Variants in RARB observed in about 807,000 individuals in gnomAD.
RARB encodes HBV-activated protein.
In RARB, 17 loss-of-function variants were observed where a neutral mutation model predicts 51.9. The observed-to-expected ratio is 0.33, with a 90% confidence interval of 0.22 to 0.49. The LOEUF (loss-of-function observed/expected upper bound fraction) is 0.49. Among genes scored for constraint, RARB ranks in the 20% least tolerant of loss-of-function variants. The pLI is 0.99. For missense variants in RARB, 369 were observed against 550.8 expected, an observed-to-expected ratio of 0.67 and a Z score of 3.30; for synonymous variants, 215 against 195.4, an observed-to-expected ratio of 1.10 and a Z score of -0.84.
intron 2 of RARB, among the ~76,000 whole-genome samples, chr3:24,899,667 GA>G (rs1000207868): frequency 4.0e-5 from 6 of 148,364 alleles, no homozygotes; most frequent in South Asian, 4.2e-4. Context: ...GTTTTGAGGA[GA>G]AAAAAAAAAT....
intron 5 of RARB, among the ~76,000 whole-genome samples, chr3:25,176,965 T>G (rs912522098): frequency 2.6e-5 from 4 of 152,210 alleles, no homozygotes; most frequent in African/African-American, 9.6e-5. Context: ...AAATAGTGGC[T>G]GACTTTTTTC....
At chr3:25,323,211 C>T (rs1704621680) in intron 5 of RARB, among the ~76,000 whole-genome samples, 1 of 152,218 alleles carries the variant, frequency 6.6e-6, no homozygotes, top group Non-Finnish European at 1.5e-5. Context: ...CAACACACAG[C>T]ATCACTGTCA....
chr3:25,474,969 T>C (rs978437377), intron 2 of RARB, among the ~76,000 whole-genome samples: 1 of 152,178 alleles, frequency 6.6e-6, no homozygotes, highest in Non-Finnish European at 1.5e-5. Context: ...TCTAAGTATT[T>C]GTGACAGGTA....
chr3:25,519,533 TTTTAA>T (rs1326424228), intron 3 of RARB, among the ~76,000 whole-genome samples: 2 of 152,178 alleles, frequency 1.3e-5, no homozygotes, highest in African/African-American at 4.8e-5. Context: ...TTCCATTTCT[TTTTAA>T]TTTAATAAAA....
chr3:25,216,934 G>C (rs754403866), intron 5 of RARB, among the ~76,000 whole-genome samples: 2 of 151,734 alleles, frequency 1.3e-5, no homozygotes, highest in Non-Finnish European at 2.9e-5. Flanking sequence ...TCTTTCTCTG[G>C]CCTATGTATT....
rs142759852 is a variant in RARB, at chr3:25,205,200, C to G, written c.178+30625C>G. Among the ~76,000 whole-genome samples the G allele has an allele frequency of 3.9e-3, 595 of 152,270 alleles. 10 individuals carry two copies. Among genetic ancestry groups the G allele is most frequent in the East Asian group, 0.03 (153 of 5,162 alleles). ...TGCTGTGCTAGCAATGAGCGAGGCT[C>G]CATGGGCGTAGGACCCTCTGAGCCA... is the stretch of plus-strand genomic sequence containing the variant. On this transcript the variant is annotated intron_variant, in intron 5 of 11. Transcript: ENST00000383772.
At chr3:25,244,299 G>A (rs1193559123) in intron 5 of RARB, among the ~76,000 whole-genome samples, 1 of 129,264 alleles carries the variant, frequency 7.7e-6, no homozygotes, top group African/African-American at 3.1e-5. Flanking sequence ...AAGAGTTTGT[G>A]TCTTTATCTC....
intron 1 of RARB, among the ~76,000 whole-genome samples, chr3:25,460,028 T>C (rs1695095782): frequency 6.6e-6 from 1 of 152,218 alleles, no homozygotes. Context: ...CCATGGAATT[T>C]GGGTGGTTAG....
intron 3 of RARB, among the ~76,000 whole-genome samples, chr3:25,114,629 A>G (rs1303168550): frequency 6.6e-6 from 1 of 152,214 alleles, no homozygotes; most frequent in African/African-American, 2.4e-5. Flanking sequence ...CAACCATGAC[A>G]TAATTGCCAT....
intron 5 of RARB, among the ~76,000 whole-genome samples, chr3:25,412,446 C>G (rs1407074598): frequency 1.3e-5 from 2 of 152,086 alleles, no homozygotes; most frequent in Admixed American, 6.6e-5. Flanking sequence ...CTTCTCTTTT[C>G]CCAGCCCCCA....
chr3:25,486,778 T>C (rs1295169712), intron 2 of RARB, among the ~76,000 whole-genome samples: 1 of 152,222 alleles, frequency 6.6e-6, no homozygotes, highest in African/African-American at 2.4e-5. Flanking sequence ...TTCCTGATGA[T>C]GGTCTTCACG....
chr3:25,493,745 C>A (rs1696864707), intron 2 of RARB, among the ~76,000 whole-genome samples: 1 of 152,158 alleles, frequency 6.6e-6, no homozygotes. Flanking sequence ...TGGGTGGATT[C>A]CCCTGATCCA....
At chr3:25,077,049 C>T (rs1484935760) in intron 3 of RARB, among the ~76,000 whole-genome samples, 1 of 152,178 alleles carries the variant, frequency 6.6e-6, no homozygotes, top group African/African-American at 2.4e-5. Context: ...TTTCTGTAGG[C>T]ATCTAAAGTA....
At chr3:25,326,011 T>C (rs987149475) in intron 5 of RARB, among the ~76,000 whole-genome samples, 2 of 152,036 alleles carry the variant, frequency 1.3e-5, no homozygotes, top group Admixed American at 6.6e-5. Flanking sequence ...CTGAAGCATA[T>C]ATGAAAGAAG....
intron 3 of RARB, among the ~76,000 whole-genome samples, chr3:25,108,096 A>G (rs1478645371): frequency 2.6e-5 from 4 of 152,198 alleles, no homozygotes; most frequent in Non-Finnish European, 4.4e-5. Context: ...CATCTACAGC[A>G]TGGATACACT....
Position 25,275,414 on chromosome 3 carries a change from T to C in RARB, c.178+100839T>C, listed in dbSNP as rs113306628. Among the ~76,000 whole-genome samples the C allele has an allele frequency of 8.0e-3, 1,215 of 152,256 alleles. 19 individuals carry two copies. Among genetic ancestry groups the C allele is most frequent in the African/African-American group, 0.028 (1,155 of 41,556 alleles). On this transcript the variant is annotated intron_variant, in intron 5 of 11. Coordinates refer to the RARB transcript ENST00000383772. ...AGGTGGAAGCTGCAGTGAGCCGTGA[T>C]TGGGCCACTGCACTCCAGCCTAGGT...
intron 3 of RARB, among the ~76,000 whole-genome samples, chr3:25,097,625 C>G (rs1462633546): frequency 1.3e-5 from 2 of 152,114 alleles, no homozygotes; most frequent in African/African-American, 2.4e-5. Flanking sequence ...CATATCCCAG[C>G]CTAGTGAGAC....
chr3:25,348,747 C>G (rs1040790884), intron 5 of RARB, among the ~76,000 whole-genome samples: 1 of 152,152 alleles, frequency 6.6e-6, no homozygotes, highest in Non-Finnish European at 1.5e-5. Flanking sequence ...AAGTTCTAAT[C>G]TTTTCTCCCT....
At chr3:25,509,171 G>C (rs115286324) in intron 3 of RARB, among the ~76,000 whole-genome samples, 2 of 152,156 alleles carry the variant, frequency 1.3e-5, no homozygotes, top group Admixed American at 6.5e-5. Context: ...TGCAGCCCTC[G>C]CCTCTAGCTA....
Sources: gnomAD v4.1 joint callset for allele counts (sites outside exome capture counted in the v4.1 genomes callset) on GRCh38, gnomAD v4.1.1 for gene constraint, MANE v1.5 for transcripts, NCBI Gene and HGNC (gene_info 2026-07-23, HGNC 2026-07-21) for gene names.